Variants in TRMT11 observed in about 807,000 individuals in gnomAD.
TRMT11 encodes the protein tRNA (guanine(10)-N(2))-methyltransferase TRMT11.
Under a neutral mutation model 62.8 loss-of-function variants are expected in TRMT11, and 53 were observed. That is an observed-to-expected ratio of 0.84 (90% CI 0.68 to 1.06). The LOEUF (loss-of-function observed/expected upper bound fraction) is 1.06. Among genes scored for constraint, TRMT11 ranks in the 50% least tolerant of loss-of-function variants. The pLI, the probability that TRMT11 is intolerant of heterozygous loss-of-function variation, is 0.00. For missense variants in TRMT11, 556 were observed against 553.4 expected (o/e 1.00, Z -0.05); for synonymous variants, 188 against 190.3 (o/e 0.99, Z 0.10).
At chr6:126,064,357 C>G (rs1382013066) in intron 17 of TRMT11, among the ~76,000 whole-genome samples, 1 of 152,100 alleles carries the variant, frequency 6.6e-6, no homozygotes, top group Non-Finnish European at 1.5e-5. Flanking sequence ...TTGTAAACAG[C>G]TCCAGAAGGA....
intron 7 of TRMT11, among the ~76,000 whole-genome samples, chr6:126,004,440 G>A (rs74603432): frequency 0.029 from 4,398 of 152,114 alleles, 213 homozygotes; most frequent in African/African-American, 0.1. Flanking sequence ...TGTAGTTTAA[G>A]TATAGCTTTA....
the TRMT11 span, among the ~76,000 whole-genome samples, chr6:126,237,307 A>C: frequency 6.6e-6 from 1 of 152,168 alleles, no homozygotes; most frequent in East Asian, 1.9e-4. Flanking sequence ...CTCCTTAAAA[A>C]TTCTTTCCGT....
the TRMT11 span, among the ~76,000 whole-genome samples, chr6:126,209,903 T>C: frequency 6.6e-6 from 1 of 152,238 alleles, no homozygotes; most frequent in Non-Finnish European, 1.5e-5. Context: ...AATACTGGAA[T>C]GCTTCACAGT....
chr6:126,186,593 G>C (rs558695149), intron 1 of TRMT11, among the ~76,000 whole-genome samples: 3 of 152,054 alleles, frequency 2.0e-5, no homozygotes, highest in Non-Finnish European at 4.4e-5. Flanking sequence ...GAAAATTGCT[G>C]TTTTAATTAT....
intron 17 of TRMT11, among the ~76,000 whole-genome samples, chr6:126,072,010 A>G (rs925189939): frequency 1.4e-4 from 21 of 152,152 alleles, no homozygotes; most frequent in African/African-American, 4.8e-4. Context: ...TCTGACTTCA[A>G]TCTGAGCTCA....
rs556142475 is a variant in TRMT11, at chr6:126,033,528, G to A, written c.1261-5177G>A. Among the ~76,000 whole-genome samples, 2 of 152,100 alleles carry A rather than the reference G, an allele frequency of 1.3e-5. 1 individual carries two copies. The highest frequency in any genetic ancestry group is 4.2e-4 in the South Asian group (2 of 4,814). ...AGAGAGTAGTTTGGAATTTTAGGTC[G>A]GACACTGAGACAGTGTTACACGTTA... is the stretch of plus-strand genomic sequence containing the variant. On this transcript the variant is annotated intron_variant, in intron 12 of 12. Transcript: ENST00000334379.
chr6:126,243,490 G>A, the TRMT11 span, among the ~76,000 whole-genome samples: 1 of 152,166 alleles, frequency 6.6e-6, no homozygotes, highest in Non-Finnish European at 1.5e-5. Flanking sequence ...GCACACGTAT[G>A]TTTATTGCGG....
At chr6:126,048,675 T>C (rs999880779) in intron 16 of TRMT11, among the ~76,000 whole-genome samples, 1 of 152,198 alleles carries the variant, frequency 6.6e-6, no homozygotes, top group Non-Finnish European at 1.5e-5. Context: ...ACAAGTAAAG[T>C]ACTTGATGTT....
chr6:126,218,425 T>C, the TRMT11 span, among the ~76,000 whole-genome samples: 1 of 152,194 alleles, frequency 6.6e-6, no homozygotes, highest in Non-Finnish European at 1.5e-5. Flanking sequence ...AAGAACTCTT[T>C]AGTCAGCAGG....
intron 17 of TRMT11, among the ~76,000 whole-genome samples, chr6:126,072,701 C>A (rs1233549026): frequency 6.6e-6 from 1 of 152,162 alleles, no homozygotes; most frequent in African/African-American, 2.4e-5. Flanking sequence ...AGTCCAAGAT[C>A]TAGGTGCCAG....
the TRMT11 span, among the ~76,000 whole-genome samples, chr6:126,254,610 T>C: frequency 6.6e-6 from 1 of 152,252 alleles, no homozygotes; most frequent in African/African-American, 2.4e-5. Context: ...ACATCACTTC[T>C]TTCTTTTCTC....
At chr6:126,072,124 T>C (rs1394341069) in intron 17 of TRMT11, among the ~76,000 whole-genome samples, 3 of 152,212 alleles carry the variant, frequency 2.0e-5, no homozygotes, top group African/African-American at 7.2e-5. Context: ...CACTGTGATA[T>C]AGTTAACAGC....
the TRMT11 span, among the ~76,000 whole-genome samples, chr6:126,271,911 A>C: frequency 3.3e-5 from 5 of 152,220 alleles, no homozygotes; most frequent in African/African-American, 1.2e-4. Flanking sequence ...TGAAGTGTCA[A>C]TAGATAGCAG....
Position 126,119,476 on chromosome 6 carries a change from T to C in TRMT11, c.*1823+3621T>C, listed in dbSNP as rs367714761. On this transcript the variant is annotated intron_variant and NMD_transcript_variant, in intron 21 of 22. Coordinates refer to the TRMT11 transcript ENST00000648977. ...TTGACACCATAAGATCCTTTCTTCT[T>C]TGATAAAAAAAAAAAAAAAAAAGAC... is the stretch of plus-strand genomic sequence containing the variant. 7.7e-3 allele frequency among the ~76,000 whole-genome samples: 867 copies of C among 112,006 alleles called. 12 individuals are homozygous for C. The highest frequency in any genetic ancestry group is 0.033 in the African/African-American group (814 of 24,428). 73.5% of individuals were successfully genotyped at this position (112,006 alleles called of 152,430 possible).
chr6:126,152,286 A>G (rs1778068664), intron 21 of TRMT11, among the ~76,000 whole-genome samples: 1 of 149,454 alleles, frequency 6.7e-6, no homozygotes, highest in Non-Finnish European at 1.5e-5. Context: ...AAAAAAAAAA[A>G]TCAAACATGA....
At chr6:126,053,269 A>G (rs1383577684) in intron 17 of TRMT11, among the ~76,000 whole-genome samples, 1 of 152,136 alleles carries the variant, frequency 6.6e-6, no homozygotes, top group African/African-American at 2.4e-5. Flanking sequence ...GCACCTAGCC[A>G]CTTCTAACAG....
At chr6:126,265,445 TTTAA>T in the TRMT11 span, among the ~76,000 whole-genome samples, 1 of 152,138 alleles carries the variant, frequency 6.6e-6, no homozygotes, top group African/African-American at 2.4e-5. Context: ...TGTAATTCTA[TTTAA>T]TTATTCAGTT....
chr6:126,254,745 A>G, the TRMT11 span, among the ~76,000 whole-genome samples: 18 of 152,194 alleles, frequency 1.2e-4, no homozygotes, highest in Non-Finnish European at 2.2e-4. Context: ...TGAACTTGCA[A>G]TTATGACACT....
intron 16 of TRMT11, among the ~76,000 whole-genome samples, chr6:126,050,615 C>G (rs543095418): frequency 1.3e-4 from 20 of 152,078 alleles, no homozygotes; most frequent in African/African-American, 4.1e-4. Context: ...GGGAAGATCA[C>G]TTGAGCCCAG....
Sources: gnomAD v4.1 joint callset for allele counts (sites outside exome capture counted in the v4.1 genomes callset) on GRCh38, gnomAD v4.1.1 for gene constraint, MANE v1.5 for transcripts, NCBI Gene and HGNC (gene_info 2026-07-23, HGNC 2026-07-21) for gene names.